Variants in OPCML observed in about 807,000 individuals in gnomAD.
OPCML encodes opioid binding protein/cell adhesion molecule like, also known as opioid-binding protein/cell adhesion molecule.
In OPCML, 13 loss-of-function variants were observed where a neutral mutation model predicts 37.8. That is an observed-to-expected ratio of 0.34 (90% CI 0.22 to 0.55). The LOEUF is 0.55. Among genes scored for constraint, OPCML ranks in the 20% least tolerant of loss-of-function variants. The probability of loss-of-function intolerance (pLI) is 0.91; values close to 1 mark genes in which losing one functional copy is unlikely to be tolerated. For missense variants in OPCML, 341 were observed against 435.6 expected (o/e 0.78, Z 1.93); for synonymous variants, 176 against 168.8 (o/e 1.04, Z -0.33).
intron 1 of OPCML, among the ~76,000 whole-genome samples, chr11:133,259,219 A>C (rs1941416492): frequency 6.6e-6 from 1 of 152,202 alleles, no homozygotes. Flanking sequence ...TGTTTTTATA[A>C]ATAAACATTT....
intron 1 of OPCML, among the ~76,000 whole-genome samples, chr11:133,052,035 C>T (rs1948141296): frequency 6.6e-6 from 1 of 152,162 alleles, no homozygotes; most frequent in Non-Finnish European, 1.5e-5. Context: ...CTGGCTAAAC[C>T]ACCAGGTTCA....
intron 2 of OPCML, among the ~76,000 whole-genome samples, chr11:132,874,092 G>A (rs984672877): frequency 2.0e-4 from 31 of 152,180 alleles, no homozygotes; most frequent in Middle Eastern, 6.3e-3. Context: ...ACCATTCAGG[G>A]TTTGGGTTCC....
chr11:133,281,092 C>T (rs1451996655), intron 1 of OPCML, among the ~76,000 whole-genome samples: 3 of 152,192 alleles, frequency 2.0e-5, no homozygotes, highest in African/African-American at 7.2e-5. Flanking sequence ...CTGTCCCTCA[C>T]TGGGCATCAC....
chr11:133,431,759 C>A (rs982197559), intron 1 of OPCML, among the ~76,000 whole-genome samples: 1 of 149,532 alleles, frequency 6.7e-6, no homozygotes, highest in East Asian at 1.9e-4. Context: ...ACCACTGCGC[C>A]CCGCCGAATC....
At chr11:132,640,073 T>G (rs1940758732) in intron 3 of OPCML, among the ~76,000 whole-genome samples, 1 of 152,226 alleles carries the variant, frequency 6.6e-6, no homozygotes, top group African/African-American at 2.4e-5. Context: ...TTGTTGCTGA[T>G]GTTTCACCTA....
At chr11:132,574,475 C>T (rs2137587284) in intron 3 of OPCML, among the ~76,000 whole-genome samples, 1 of 151,562 alleles carries the variant, frequency 6.6e-6, no homozygotes, top group South Asian at 2.1e-4. Context: ...TTTTCATCTG[C>T]CTTGCAGTAT....
chr11:132,642,726 A>G (rs933665853), intron 3 of OPCML, among the ~76,000 whole-genome samples: 1 of 152,208 alleles, frequency 6.6e-6, no homozygotes, highest in African/African-American at 2.4e-5. Flanking sequence ...AAGGTGGGGC[A>G]TGCTTTCTTT....
At chr11:132,767,865 G>C (rs1946506593) in intron 2 of OPCML, among the ~76,000 whole-genome samples, 1 of 152,042 alleles carries the variant, frequency 6.6e-6, no homozygotes, top group Admixed American at 6.6e-5. Flanking sequence ...ACCTAGTAGG[G>C]ATGGGGAGAA....
rs184572710 is a variant in OPCML, at chr11:133,150,334, C to T, written c.62-207324G>A. Among the ~76,000 whole-genome samples, 7 of 152,292 alleles carry T rather than the reference C, an allele frequency of 4.6e-5. 1 individual carries two copies. The South Asian group carries it at 1.2e-3, about 27-fold the overall frequency. ...CAACAGCCCTGAGGGCTTCTGTCATCGTCTTCATTTTGCAGATGAAGAATC... is the reference window on the plus strand; with the variant it reads ...CAACAGCCCTGAGGGCTTCTGTCATTGTCTTCATTTTGCAGATGAAGAATC... On this transcript the variant is annotated intron_variant, in intron 1 of 7. Transcript: ENST00000524381.
At chr11:133,426,402 A>G (rs1177670187) in intron 1 of OPCML, among the ~76,000 whole-genome samples, 1 of 151,960 alleles carries the variant, frequency 6.6e-6, no homozygotes, top group Non-Finnish European at 1.5e-5. Flanking sequence ...CACACACACA[A>G]CAACTCCCCA....
chr11:132,851,517 T>C (rs1941809066), intron 2 of OPCML, among the ~76,000 whole-genome samples: 1 of 152,150 alleles, frequency 6.6e-6, no homozygotes. Context: ...TCACAGTGCC[T>C]AAAAGTCTAC....
intron 7 of OPCML, 39 bp downstream of exon 7, chr11:132,436,047 T>A (rs773449560): frequency 6.3e-7 from 1 of 1,596,546 alleles, no homozygotes; most frequent in South Asian, 1.1e-5. Flanking sequence ...AGCTTCCCCA[T>A]GTGGCTGAGC....
In OPCML at chr11:132,764,558, TA is replaced by T. The variant is rs147717271; in HGVS notation, c.147-107240del. Among the ~76,000 whole-genome samples, 427 of 152,304 alleles carry T rather than the reference TA, an allele frequency of 2.8e-3. 4 individuals are homozygous for T. The highest frequency in any genetic ancestry group is 9.7e-3 in the African/African-American group (401 of 41,550). ...CATGTTGATACCAATACCTACTTTA[TA>T]AGGTTATCATGAGAATCAAACTAGA... On this transcript the variant is annotated intron_variant, in intron 2 of 7. Coordinates refer to ENST00000524381, the MANE Select transcript of OPCML (RefSeq NM_001012393.5).
At chr11:132,874,737 G>A (rs969666657) in intron 2 of OPCML, among the ~76,000 whole-genome samples, 7 of 152,134 alleles carry the variant, frequency 4.6e-5, no homozygotes, top group African/African-American at 9.7e-5. Context: ...GTGGCTTAGC[G>A]GACTGCACGG....
chr11:132,756,955 G>T (rs1342430997), intron 2 of OPCML, among the ~76,000 whole-genome samples: 1 of 152,044 alleles, frequency 6.6e-6, no homozygotes, highest in Non-Finnish European at 1.5e-5. Flanking sequence ...GACAGGCCCT[G>T]ATGTGTGATG....
intron 2 of OPCML, among the ~76,000 whole-genome samples, chr11:132,816,255 C>T (rs574301363): frequency 3.9e-4 from 59 of 152,268 alleles, no homozygotes; most frequent in African/African-American, 1.4e-3. Flanking sequence ...TTTGAAACAG[C>T]TTGGCAAACT....
intron 1 of OPCML, among the ~76,000 whole-genome samples, chr11:133,008,642 G>A (rs1207695578): frequency 6.6e-6 from 1 of 152,204 alleles, no homozygotes; most frequent in East Asian, 1.9e-4. Flanking sequence ...CTATATGGGA[G>A]TGGAAGGATC....
chr11:132,642,048 T>C (rs900263961), intron 3 of OPCML, among the ~76,000 whole-genome samples: 2 of 152,208 alleles, frequency 1.3e-5, no homozygotes, highest in African/African-American at 4.8e-5. Flanking sequence ...TGATTACAGA[T>C]AAGGGAAATT....
intron 1 of OPCML, among the ~76,000 whole-genome samples, chr11:132,977,847 TTTTA>T (rs942792430): frequency 4.7e-4 from 72 of 152,244 alleles, no homozygotes; most frequent in African/African-American, 1.7e-3. Context: ...GGTTTTATTT[TTTTA>T]TTTACTTTTT....
Sources: gnomAD v4.1 joint callset for allele counts (sites outside exome capture counted in the v4.1 genomes callset) on GRCh38, gnomAD v4.1.1 for gene constraint, MANE v1.5 for transcripts, NCBI Gene and HGNC (gene_info 2026-07-23, HGNC 2026-07-21) for gene names.